Variants in BRINP1 observed in about 807,000 individuals in gnomAD.
BRINP1 encodes the protein BMP/retinoic acid inducible neural specific 1, also known as BMP/retinoic acid-inducible neural-specific protein 1.
In BRINP1, 17 loss-of-function variants were observed where a neutral mutation model predicts 72.9. That is an observed-to-expected ratio of 0.23 (90% CI 0.16 to 0.35). The LOEUF (loss-of-function observed/expected upper bound fraction) is 0.35, where lower values mean the gene tolerates loss of function less well. BRINP1 is among the 10% of genes least tolerant of loss of function. BRINP1 has a pLI of 1.00. For synonymous variants in BRINP1, 418 were observed against 378.5 expected (o/e 1.10, Z -1.21); for missense variants, 850 against 1,001.6 (o/e 0.85, Z 2.04).
At chr9:119,284,269 G>C (rs1375463154) in intron 2 of BRINP1, among the ~76,000 whole-genome samples, 4 of 152,142 alleles carry the variant, frequency 2.6e-5, no homozygotes. Flanking sequence ...CCAGAGACTT[G>C]ATTATCCAAT....
chr9:119,181,674 C>T (rs1829559943), intron 7 of BRINP1, among the ~76,000 whole-genome samples: 1 of 152,098 alleles, frequency 6.6e-6, no homozygotes, highest in Non-Finnish European at 1.5e-5. Flanking sequence ...TAAAACAGCC[C>T]AGTTGATCAT....
At chr9:119,223,273 A>G (rs1383407533) in intron 5 of BRINP1, among the ~76,000 whole-genome samples, 1 of 152,154 alleles carries the variant, frequency 6.6e-6, no homozygotes, top group Admixed American at 6.6e-5. Context: ...TCAAATTCAT[A>G]GAAGAGTCCA....
intron 7 of BRINP1, among the ~76,000 whole-genome samples, chr9:119,168,478 T>C (rs1157089902): frequency 6.8e-6 from 1 of 148,006 alleles, no homozygotes; most frequent in Non-Finnish European, 1.5e-5. Flanking sequence ...AGTGAAGGGG[T>C]TGGAGTAAAT....
chr9:119,367,753 C>G (rs1831710442), intron 1 of BRINP1, among the ~76,000 whole-genome samples: 1 of 152,202 alleles, frequency 6.6e-6, no homozygotes, highest in Admixed American at 6.5e-5. Flanking sequence ...CTGCCACATT[C>G]TGTCATGGGT....
intron 6 of BRINP1, among the ~76,000 whole-genome samples, chr9:119,212,858 A>C (rs1045758024): frequency 3.9e-5 from 6 of 152,208 alleles, no homozygotes; most frequent in African/African-American, 1.4e-4. Context: ...GAAAGATATC[A>C]ACATCTATCA....
intron 6 of BRINP1, among the ~76,000 whole-genome samples, chr9:119,211,369 G>A (rs1013265095): frequency 6.6e-6 from 1 of 152,030 alleles, no homozygotes; most frequent in Non-Finnish European, 1.5e-5. Context: ...GGCTAATTTT[G>A]TAGTTTTAGT....
At chr9:119,326,353 A>G (rs1416052040) in intron 1 of BRINP1, among the ~76,000 whole-genome samples, 1 of 152,218 alleles carries the variant, frequency 6.6e-6, no homozygotes, top group Non-Finnish European at 1.5e-5. Flanking sequence ...AAATGTTAAT[A>G]AAGAGAATTT....
intron 7 of BRINP1, among the ~76,000 whole-genome samples, chr9:119,205,699 C>A (rs1248494430): frequency 6.6e-6 from 1 of 152,170 alleles, no homozygotes; most frequent in Admixed American, 6.5e-5. Flanking sequence ...TTGAACTTAG[C>A]ATATCTGATG....
intron 2 of BRINP1, among the ~76,000 whole-genome samples, chr9:119,267,402 A>G (rs485549): frequency 0.21 from 31,237 of 152,098 alleles, 3,349 homozygotes; most frequent in Admixed American, 0.25. Context: ...TGGGAGCCTG[A>G]GGTGGGCGGA....
At chr9:119,235,849 C>T (rs111704047) in intron 5 of BRINP1, among the ~76,000 whole-genome samples, 4 of 152,306 alleles carry the variant, frequency 2.6e-5, no homozygotes, top group Admixed American at 6.5e-5. Flanking sequence ...AATCACCCAA[C>T]CTAACTGATG....
chr9:119,237,580 T>C (rs1284084560), intron 5 of BRINP1, among the ~76,000 whole-genome samples: 1 of 151,890 alleles, frequency 6.6e-6, no homozygotes, highest in African/African-American at 2.4e-5. Context: ...GCCAGGATGG[T>C]CTCAATCTCC....
At chr9:119,175,006 T>C (rs1052048641) in intron 7 of BRINP1, among the ~76,000 whole-genome samples, 9 of 148,648 alleles carry the variant, frequency 6.1e-5, no homozygotes, top group African/African-American at 2.3e-4. Flanking sequence ...TTGGGAGATA[T>C]ACCTAATGCT....
rs191710067 is a variant in BRINP1, at chr9:119,316,119, C to T, written c.-50-2714G>A. Among the ~76,000 whole-genome samples, 79 of 152,280 alleles carry T rather than the reference C, an allele frequency of 5.2e-4. 1 individual carries two copies. Among genetic ancestry groups the T allele is most frequent in the Middle Eastern group, 3.4e-3 (1 of 294 alleles). Reference sequence around the variant, plus strand: ...TTCTTGTTTTGGAGACAGGGTCTTGCTCTGTCGCCTAGCCTGGAGTGCGGT... The same window carrying T: ...TTCTTGTTTTGGAGACAGGGTCTTGTTCTGTCGCCTAGCCTGGAGTGCGGT... On this transcript the variant is annotated intron_variant, in intron 1 of 7. Coordinates refer to ENST00000265922, the MANE Select transcript of BRINP1 (RefSeq NM_014618.3).
At chr9:119,219,388 A>T (rs970809222) in intron 5 of BRINP1, among the ~76,000 whole-genome samples, 2 of 152,082 alleles carry the variant, frequency 1.3e-5, no homozygotes, top group Non-Finnish European at 2.9e-5. Flanking sequence ...TAAAATAATT[A>T]TTATTGGTCT....
chr9:119,289,546 T>C (rs1230745317), intron 2 of BRINP1, among the ~76,000 whole-genome samples: 1 of 152,110 alleles, frequency 6.6e-6, no homozygotes, highest in Non-Finnish European at 1.5e-5. Context: ...AAAGGTAAAT[T>C]AGAAGCAATA....
rs1227786260 is a variant in BRINP1, at chr9:119,266,904, T to C, written c.219-17754A>G. On this transcript the variant is annotated intron_variant, in intron 2 of 7. Coordinates refer to ENST00000265922, the MANE Select transcript of BRINP1 (RefSeq NM_014618.3). Reference sequence around the variant, plus strand: ...GAGATGAAAAGCCACTATAGAGGTTTTTATAATGTGCCAGAATCTGAGTTG... The same window carrying C: ...GAGATGAAAAGCCACTATAGAGGTTCTTATAATGTGCCAGAATCTGAGTTG... Among the ~76,000 whole-genome samples the C allele has an allele frequency of 2.6e-5, 4 of 152,206 alleles. No individual in the cohort carries two copies. In the East Asian group the frequency reaches 7.7e-4, roughly 29 times the overall value.
chr9:119,208,454 T>A (rs1293036704), intron 7 of BRINP1, among the ~76,000 whole-genome samples: 2 of 152,182 alleles, frequency 1.3e-5, no homozygotes, highest in Non-Finnish European at 2.9e-5. Flanking sequence ...AGGGCTAGTG[T>A]TCCCCTCCTC....
At chr9:119,310,249 C>G (rs972117135) in intron 2 of BRINP1, among the ~76,000 whole-genome samples, 1 of 152,128 alleles carries the variant, frequency 6.6e-6, no homozygotes, top group Non-Finnish European at 1.5e-5. Context: ...TCCCTGACTC[C>G]GAGGTCAAAA....
At chr9:119,181,750 T>C (rs1003324150) in intron 7 of BRINP1, among the ~76,000 whole-genome samples, 2 of 152,090 alleles carry the variant, frequency 1.3e-5, no homozygotes, top group African/African-American at 4.8e-5. Context: ...GTCACCAAGA[T>C]ACTTGAAGAA....
Sources: gnomAD v4.1 joint callset for allele counts (sites outside exome capture counted in the v4.1 genomes callset) on GRCh38, gnomAD v4.1.1 for gene constraint, MANE v1.5 for transcripts, NCBI Gene and HGNC (gene_info 2026-07-23, HGNC 2026-07-21) for gene names.